Variants in ZMYM5 observed in about 807,000 individuals in gnomAD.
ZMYM5 encodes zinc finger MYM-type protein 5.
ZMYM5 carries 41 observed loss-of-function variants against 61.8 expected under a neutral mutation model. The ratio of observed to expected loss-of-function variants is 0.66; its 90% CI spans 0.52 to 0.86. The LOEUF is 0.86. Among genes scored for constraint, ZMYM5 ranks in the 40% least tolerant of loss-of-function variants. The pLI is 0.00. For synonymous variants in ZMYM5, 257 were observed against 276.4 expected (o/e 0.93, Z 0.70); for missense variants, 706 against 786.7 (o/e 0.90, Z 1.23).
chr13:19,844,158 AT>A, intron 4 of ZMYM5, among the ~76,000 whole-genome samples: 2 of 146,642 alleles, frequency 1.4e-5, no homozygotes, highest in African/African-American at 5.1e-5. Context: ...AAAAAAAAAA[AT>A]TAGCTAGGTG....
chr13:19,824,648 T>C lies in ZMYM5; in HGVS notation c.1839A>G (p.Gln613=). 7.6e-7 allele frequency: 1 copy of C among 1,321,890 alleles called. No individual in the cohort carries two copies. 81.9% of individuals were successfully genotyped at this position (1,321,890 alleles called of 1,614,324 possible). A position where few individuals can be genotyped will look rare whatever the true frequency, so the allele number is the denominator to read the frequency against. ...LKNENGCKDW[Q]HLSHILSKHE... ...GTTTACTAAGAATATGTGATAAATG[T>C]TGCCAATCTTTGCACCCATTTTCAT... Residue 613 remains glutamine, a synonymous_variant, in exon 8 of 8, where the codon CAA becomes CAG. Coordinates refer to ENST00000337963, the MANE Select transcript of ZMYM5 (RefSeq NM_001142684.2).
At chr13:19,831,116 C>T (rs1891191719) in intron 7 of ZMYM5, among the ~76,000 whole-genome samples, 1 of 140,578 alleles carries the variant, frequency 7.1e-6, no homozygotes, top group African/African-American at 2.6e-5. Context: ...CGTGAGCCAC[C>T]ACACCCAGCC....
At chr13:19,854,590 T>C (rs1953436343) in intron 2 of ZMYM5, among the ~76,000 whole-genome samples, 1 of 140,860 alleles carries the variant, frequency 7.1e-6, no homozygotes, top group Non-Finnish European at 1.5e-5. Context: ...ATTGTGCCAC[T>C]GCACTCTAGC....
intron 4 of ZMYM5, among the ~76,000 whole-genome samples, chr13:19,842,948 C>A (rs1156811786): frequency 1.9e-5 from 2 of 105,800 alleles, no homozygotes; most frequent in Non-Finnish European, 3.6e-5. Context: ...AGACAAGAGC[C>A]AAACTCCATC....
chr13:19,853,014 A>G (rs566683159), intron 2 of ZMYM5, among the ~76,000 whole-genome samples: 3 of 152,162 alleles, frequency 2.0e-5, no homozygotes, highest in Non-Finnish European at 4.4e-5. Flanking sequence ...CAGCCCAGCT[A>G]ATGTTCCATA....
At chr13:19,851,310 A>T in intron 4 of ZMYM5, 45 bp downstream of exon 4, 1 of 1,518,672 alleles carries the variant, frequency 6.6e-7, no homozygotes, top group Admixed American at 1.7e-5. Flanking sequence ...AGAACAGCCA[A>T]AGGCTTATTT....
intron 2 of ZMYM5, among the ~76,000 whole-genome samples, chr13:19,858,471 G>A (rs1953592066): frequency 6.6e-6 from 1 of 150,892 alleles, no homozygotes; most frequent in African/African-American, 2.4e-5. Context: ...TGTGGTCCCA[G>A]CTACTTGGGA....
intron 7 of ZMYM5, among the ~76,000 whole-genome samples, chr13:19,827,436 C>T (rs1313380260): frequency 3.9e-5 from 6 of 152,070 alleles, no homozygotes; most frequent in Non-Finnish European, 8.8e-5. Context: ...TTTTAATCCA[C>T]TAATACAAAG....
At chr13:19,844,007 A>G (rs1331479213) in intron 4 of ZMYM5, among the ~76,000 whole-genome samples, 1 of 151,682 alleles carries the variant, frequency 6.6e-6, no homozygotes, top group African/African-American at 2.4e-5. Flanking sequence ...ACGTGGTGGC[A>G]GGCGCCTGTA....
In ZMYM5 at chr13:19,837,736, AC is replaced by A. The variant is rs781768460; in HGVS notation, c.957del (p.Leu319PhefsTer26). On this transcript the variant is annotated frameshift_variant, in exon 6 of 8. Coordinates refer to ENST00000337963, the MANE Select transcript of ZMYM5 (RefSeq NM_001142684.2). LOFTEE classifies it high-confidence loss of function. ...SFQEFYSTSC[L>X]SPCENNWNLK... ...AGATTCCAGTTGTTTTCACAGGGAG[AC>A]AAACAAGATGTACTATAAAATTCTT... The A allele has an allele frequency of 6.3e-7, 1 of 1,583,392 alleles. No individual in the cohort carries two copies. The highest frequency in any genetic ancestry group is 8.5e-7 in the Non-Finnish European group (1 of 1,171,586).
At position 19,838,904 on chromosome 13, in the gene ZMYM5, A is replaced by T; in HGVS notation, c.668T>A (p.Leu223His). 6.2e-7 allele frequency: 1 copy of T among 1,614,182 alleles called. No homozygotes were observed. The highest frequency in any genetic ancestry group is 2.2e-5 in the East Asian group (1 of 44,886). Reference protein sequence around the residue: ...GVDSLSPVALLRKQNFQPTAQ... With the variant: ...GVDSLSPVALHRKQNFQPTAQ... ...TGTAGGCTGGAAATTCTGCTTACGAAGTAAGGCCACTGGTGATAAAGAATC... is the reference window on the plus strand; with the variant it reads ...TGTAGGCTGGAAATTCTGCTTACGATGTAAGGCCACTGGTGATAAAGAATC... The change falls in exon 5 of 8, where the codon CTT (leucine) becomes CAT (histidine). Residue 223 changes from leucine to histidine, a missense_variant. This residue lies in a region of ZMYM5 where 480 missense variants were observed against 461.7 expected (regional missense o/e 1.04). Transcript: ENST00000337963.
intron 2 of ZMYM5, among the ~76,000 whole-genome samples, chr13:19,854,579 G>T (rs1953435756): frequency 7.1e-6 from 1 of 139,926 alleles, no homozygotes; most frequent in African/African-American, 2.6e-5. Context: ...AGTGAGCTGA[G>T]ATTGTGCCAC....
intron 2 of ZMYM5, among the ~76,000 whole-genome samples, chr13:19,855,282 A>G (rs530253549): frequency 2.6e-5 from 4 of 151,280 alleles, no homozygotes; most frequent in African/African-American, 9.7e-5. Flanking sequence ...TTTTTTTTTA[A>G]GATGGAGTCT....
At chr13:19,851,330 A>G (rs953111936) in intron 4 of ZMYM5, 25 bp downstream of exon 4, 2 of 1,575,186 alleles carry the variant, frequency 1.3e-6, no homozygotes, top group Non-Finnish European at 1.7e-6. Flanking sequence ...TACTTGAGGT[A>G]GAAACAGTAT....
Position 19,837,709 on chromosome 13 carries a change from T to C in ZMYM5, c.985A>G (p.Lys329Glu), listed in dbSNP as rs1952718705. 6.3e-7 allele frequency: 1 copy of C among 1,578,722 alleles called. No homozygotes were observed. Among genetic ancestry groups the C allele is most frequent in the Non-Finnish European group, 8.5e-7 (1 of 1,170,004 alleles). The change falls in exon 6 of 8, where the codon AAA (lysine) becomes GAA (glutamate). Residue 329 changes from lysine to glutamate, a missense_variant. Transcript: ENST00000337963. ...CTTGACTTATTAAAAACTCCTTTTTTAAGATTCCAGTTGTTTTCACAGGGA... is the reference window on the plus strand; with the variant it reads ...CTTGACTTATTAAAAACTCCTTTTTCAAGATTCCAGTTGTTTTCACAGGGA... The part of the protein sequence containing the change: ...LSPCENNWNL[K>E]KGVFNKSRCT...
At chr13:19,839,129 A>G in intron 4 of ZMYM5, 144 bp from the exon 5 acceptor site, 1 of 867,978 alleles carries the variant, frequency 1.2e-6, no homozygotes, top group Non-Finnish European at 1.7e-6. Flanking sequence ...TTGATGCACA[A>G]TCCCAGGGGG....
At chr13:19,842,297 A>G (rs1249432811) in intron 4 of ZMYM5, among the ~76,000 whole-genome samples, 5 of 152,146 alleles carry the variant, frequency 3.3e-5, no homozygotes, top group Non-Finnish European at 7.4e-5. Flanking sequence ...TTAAACCCAT[A>G]AGACCTAAAT....
Position 19,846,793 on chromosome 13 carries a change from G to A in ZMYM5, c.586+4562C>T, listed in dbSNP as rs138564031. Among the ~76,000 whole-genome samples, 407 of 151,704 alleles carry A rather than the reference G, an allele frequency of 2.7e-3. 1 individual carries two copies. The highest frequency in any genetic ancestry group is 7.5e-3 in the South Asian group (36 of 4,784). On this transcript the variant is annotated intron_variant, in intron 4 of 7. Transcript: ENST00000337963. Reference sequence around the variant, plus strand: ...AAAAAAAAAACTAGCAGGGTGTTATGGCATGCACTTGTAGTCTCAGCTACT... The same window carrying A: ...AAAAAAAAAACTAGCAGGGTGTTATAGCATGCACTTGTAGTCTCAGCTACT...
At chr13:19,851,057 A>G (rs1488922193) in intron 4 of ZMYM5, among the ~76,000 whole-genome samples, 1 of 152,106 alleles carries the variant, frequency 6.6e-6, no homozygotes, top group East Asian at 1.9e-4. Context: ...AAAAACACAA[A>G]AACTAGCCGA....
Sources: gnomAD v4.1 joint callset for allele counts (sites outside exome capture counted in the v4.1 genomes callset) on GRCh38, gnomAD v4.1.1 for gene constraint, gnomAD v4.1.1 regional missense constraint, MANE v1.5 for transcripts, NCBI Gene and HGNC (gene_info 2026-07-23, HGNC 2026-07-21) for gene names.